DYM: variants seen among roughly 807,000 people sequenced by gnomAD.
DYM encodes dymeclin.
In DYM, 78 loss-of-function variants were observed where a neutral mutation model predicts 93.1. The observed-to-expected ratio is 0.84, with a 90% confidence interval of 0.70 to 1.01. The LOEUF (loss-of-function observed/expected upper bound fraction) is 1.01. Among genes scored for constraint, DYM ranks in the 50% least tolerant of loss-of-function variants. DYM has a pLI of 0.00. For synonymous variants in DYM, 321 were observed against 319.7 expected (o/e 1.00, Z -0.04); for missense variants, 789 against 845.0 (o/e 0.93, Z 0.82).
At chr18:49,098,015 A>G (rs1361736803) in intron 16 of DYM, among the ~76,000 whole-genome samples, 3 of 152,134 alleles carry the variant, frequency 2.0e-5, no homozygotes, top group African/African-American at 7.2e-5. Context: ...ATCACCAGGG[A>G]TAACAAATAG....
At chr18:49,319,986 C>A (rs2062337902) in intron 8 of DYM, among the ~76,000 whole-genome samples, 1 of 152,078 alleles carries the variant, frequency 6.6e-6, no homozygotes, top group Admixed American at 6.6e-5. Context: ...TGAACAAGTA[C>A]AAGAGGGGAA....
At chr18:49,148,713 A>G (rs143279142) in intron 15 of DYM, among the ~76,000 whole-genome samples, 1 of 152,262 alleles carries the variant, frequency 6.6e-6, no homozygotes, top group African/African-American at 2.4e-5. Context: ...TCATTCCTCA[A>G]TTAGCATTTG....
At chr18:49,447,735 G>A (rs887724284) in intron 1 of DYM, among the ~76,000 whole-genome samples, 2 of 152,070 alleles carry the variant, frequency 1.3e-5, no homozygotes, top group East Asian at 1.9e-4. Flanking sequence ...TCTCCTGTTC[G>A]CAACCGTCAT....
Position 49,039,262 on chromosome 18 carries a change from G to A in DYM, c.*4793C>T, listed in dbSNP as rs1250937645. Among the ~76,000 whole-genome samples, 1 of 152,184 alleles carries A rather than the reference G, an allele frequency of 6.6e-6. No homozygotes were observed. The highest frequency in any genetic ancestry group is 1.5e-5 in the Non-Finnish European group (1 of 68,032). On this transcript the variant is annotated 3_prime_UTR_variant, in exon 18 of 18. Coordinates refer to ENST00000675505, the MANE Select transcript of DYM (RefSeq NM_001353214.3). ...TGTCTTCCATTGTTTCTGCTGAGAA[G>A]GAGCTGTCAGTCTAATATTATTGCT...
At chr18:49,085,188 G>T (rs1308357296) in intron 17 of DYM, among the ~76,000 whole-genome samples, 1 of 152,108 alleles carries the variant, frequency 6.6e-6, no homozygotes, top group Admixed American at 6.5e-5. Context: ...CCGAAATTGG[G>T]TATAAAATAT....
chr18:49,418,939 G>A (rs371928397), intron 2 of DYM, among the ~76,000 whole-genome samples: 16 of 152,232 alleles, frequency 1.1e-4, no homozygotes, highest in East Asian at 7.7e-4. Context: ...CACTTGTGGC[G>A]GTGGGGGTGG....
intron 11 of DYM, among the ~76,000 whole-genome samples, chr18:49,271,471 G>A (rs907266627): frequency 1.3e-5 from 2 of 152,078 alleles, no homozygotes; most frequent in Non-Finnish European, 1.5e-5. Context: ...CCATCTTAGG[G>A]CGATAATAGT....
At chr18:49,418,499 C>T (rs1446950444) in intron 2 of DYM, among the ~76,000 whole-genome samples, 5 of 152,022 alleles carry the variant, frequency 3.3e-5, no homozygotes, top group African/African-American at 7.3e-5. Context: ...AGAACCACAC[C>T]TGGAAACTCT....
At chr18:49,186,481 A>C (rs1401191725) in intron 14 of DYM, among the ~76,000 whole-genome samples, 1 of 151,862 alleles carries the variant, frequency 6.6e-6, no homozygotes, top group Non-Finnish European at 1.5e-5. Context: ...CTTTTATGCC[A>C]CCCCCTACGC....
intron 2 of DYM, among the ~76,000 whole-genome samples, chr18:49,411,738 T>C (rs1042132962): frequency 1.3e-5 from 2 of 152,294 alleles, no homozygotes; most frequent in Non-Finnish European, 1.5e-5. Flanking sequence ...AGTTCCGCCA[T>C]AAAATTCTTT....
At chr18:49,300,405 G>T (rs1030443302) in intron 8 of DYM, among the ~76,000 whole-genome samples, 1 of 151,924 alleles carries the variant, frequency 6.6e-6, no homozygotes, top group Non-Finnish European at 1.5e-5. Flanking sequence ...TTTGAGACCA[G>T]CCTGGGCAAC....
chr18:49,198,823 T>C (rs964692416), intron 14 of DYM, among the ~76,000 whole-genome samples: 4 of 151,920 alleles, frequency 2.6e-5, no homozygotes, highest in African/African-American at 9.7e-5. Flanking sequence ...GGTGTGGCGA[T>C]TCCTCAGGGA....
In DYM at chr18:49,383,790, A is replaced by G. The variant is rs1206149872; in HGVS notation, c.194-4032T>C. ...TTTTGCAGTCACAGCCCAAGCTTAT[A>G]GGATAATGCCTGTAATATAGTAGGT... On this transcript the variant is annotated intron_variant, in intron 3 of 17. Coordinates refer to ENST00000675505, the MANE Select transcript of DYM (RefSeq NM_001353214.3). 1.3e-5 allele frequency among the ~76,000 whole-genome samples: 2 copies of G among 152,210 alleles called. 1 individual carries two copies. The highest frequency in any genetic ancestry group is 2.9e-5 in the Non-Finnish European group (2 of 68,042).
At position 49,422,795 on chromosome 18, in the gene DYM, AAAG is replaced by A. The variant is rs1416563583; in HGVS notation, c.140+7457_140+7459del. Among the ~76,000 whole-genome samples, 4 of 152,346 alleles carry A rather than the reference AAAG, an allele frequency of 2.6e-5. No individual in the cohort carries two copies. In the South Asian group the frequency reaches 8.3e-4, roughly 32 times the overall value. On this transcript the variant is annotated intron_variant, in intron 2 of 17. Coordinates refer to ENST00000675505, the MANE Select transcript of DYM (RefSeq NM_001353214.3). Reference sequence around the variant, plus strand: ...TAAACTAACAAAGATCAAAAGAGACAAAGAAGGCCATTACATAATGGTAAAGGG... The same window carrying A: ...TAAACTAACAAAGATCAAAAGAGACAAAGGCCATTACATAATGGTAAAGGG...
intron 2 of DYM, among the ~76,000 whole-genome samples, chr18:49,428,139 T>A (rs986870773): frequency 2.0e-5 from 3 of 151,532 alleles, no homozygotes; most frequent in African/African-American, 7.3e-5. Flanking sequence ...TGCTACAACA[T>A]GTATGAATAT....
intron 17 of DYM, among the ~76,000 whole-genome samples, chr18:49,049,086 G>A (rs918570280): frequency 2.0e-5 from 3 of 152,138 alleles, no homozygotes; most frequent in African/African-American, 7.2e-5. Context: ...AAGACGTGTA[G>A]ATTTTATTAT....
chr18:49,347,166 T>C (rs1321430154), intron 6 of DYM, among the ~76,000 whole-genome samples: 1 of 152,108 alleles, frequency 6.6e-6, no homozygotes, highest in East Asian at 1.9e-4. Context: ...AGTCAAATTA[T>C]CATTAAGTTG....
At chr18:49,294,931 T>C (rs947976024) in intron 8 of DYM, among the ~76,000 whole-genome samples, 1 of 152,156 alleles carries the variant, frequency 6.6e-6, no homozygotes, top group Non-Finnish European at 1.5e-5. Flanking sequence ...ATAGCAGAGA[T>C]GTATAAAAAT....
intron 2 of DYM, among the ~76,000 whole-genome samples, chr18:49,419,843 C>G (rs1365997700): frequency 6.6e-6 from 1 of 152,118 alleles, no homozygotes; most frequent in Non-Finnish European, 1.5e-5. Context: ...TTTGGAATAG[C>G]TTTATAAATT....
Sources: allele counts gnomAD v4.1 joint callset (sites outside exome capture counted in the v4.1 genomes callset), GRCh38; gene constraint gnomAD v4.1.1; transcripts MANE v1.5; gene names NCBI Gene and HGNC (gene_info 2026-07-23, HGNC 2026-07-21).